TRPC5: variants seen among roughly 807,000 people sequenced by gnomAD.
TRPC5 encodes the protein transient receptor potential cation channel subfamily C member 5, also known as short transient receptor potential channel 5.
TRPC5 carries 9 observed loss-of-function variants against 56.5 expected under a neutral mutation model. The observed-to-expected ratio is 0.16, with a 90% CI of 0.10 to 0.28. TRPC5 has a LOEUF of 0.28. TRPC5 is among the 10% of genes least tolerant of loss of function. The pLI is 1.00. For synonymous variants in TRPC5, 282 were observed against 278.5 expected (o/e 1.01, Z -0.13); for missense variants, 469 against 748.9 (o/e 0.63, Z 4.36).
intron 1 of TRPC5, among the ~76,000 whole-genome samples, chrX:112,030,372 G>A (rs749731117): frequency 6.1e-4 from 68 of 112,315 alleles, no homozygotes; most frequent in African/African-American, 2.0e-3. Flanking sequence ...TAGTAAGTGA[G>A]AGATCTGGAA....
At chrX:111,798,733 T>C (rs1921197074) in intron 7 of TRPC5, among the ~76,000 whole-genome samples, 1 of 111,708 alleles carries the variant, frequency 9.0e-6, no homozygotes, top group South Asian at 3.7e-4. Context: ...TTTTGCAAAA[T>C]ACCTTTATTA....
chrX:111,948,031 T>A (rs996378574), intron 2 of TRPC5, among the ~76,000 whole-genome samples: 1 of 112,710 alleles, frequency 8.9e-6, no homozygotes, highest in African/African-American at 3.2e-5. Context: ...AAGCTATGAA[T>A]TTCCTTTAGA....
chrX:111,855,376 G>A (rs942915410), intron 3 of TRPC5, among the ~76,000 whole-genome samples: 1 of 111,603 alleles, frequency 9.0e-6, no homozygotes, highest in Non-Finnish European at 1.9e-5. Context: ...GCTCCTCCAT[G>A]TTCTTTTCCT....
intron 1 of TRPC5, among the ~76,000 whole-genome samples, chrX:112,001,245 C>T (rs1469541430): frequency 1.8e-5 from 2 of 111,769 alleles, no homozygotes; most frequent in African/African-American, 3.3e-5. Flanking sequence ...AACTCAGACT[C>T]TCAAGCATAA....
chrX:111,885,470 A>T (rs1397786036), intron 3 of TRPC5, among the ~76,000 whole-genome samples: 1 of 110,093 alleles, frequency 9.1e-6, no homozygotes, highest in East Asian at 2.8e-4. Flanking sequence ...TATATTTAGC[A>T]TTGAAAACTC....
At chrX:111,909,746 A>C (rs1364484574) in intron 3 of TRPC5, among the ~76,000 whole-genome samples, 1 of 111,554 alleles carries the variant, frequency 9.0e-6, no homozygotes, top group Non-Finnish European at 1.9e-5. Context: ...TATTGTGTAA[A>C]AACAATGATA....
intron 2 of TRPC5, among the ~76,000 whole-genome samples, chrX:111,928,509 C>T (rs1226268810): frequency 2.7e-5 from 3 of 112,209 alleles, no homozygotes; most frequent in Non-Finnish European, 5.6e-5. Context: ...GATATTACTT[C>T]CAATTTTATT....
chrX:112,071,591 A>C (rs1019449846), intron 1 of TRPC5, among the ~76,000 whole-genome samples: 1 of 112,183 alleles, frequency 8.9e-6, no homozygotes, highest in Non-Finnish European at 1.9e-5. Context: ...AGGCTCTGCC[A>C]TTGTAGTAGG....
chrX:111,776,307 C>T lies in TRPC5; in HGVS notation c.*6G>A. On this transcript the variant is annotated 3_prime_UTR_variant, in exon 11 of 11. Coordinates refer to ENST00000262839, the MANE Select transcript of TRPC5 (RefSeq NM_012471.3). The stretch of plus-strand genomic sequence containing the variant: ...TGAGTTCCAGAACAGATGATTAGGG[C>T]TTGACTTAGAGGCGAGTTGTAACTT... The T allele has an allele frequency of 8.6e-7, 1 of 1,158,921 alleles. No individual in the cohort carries two copies. The highest frequency in any genetic ancestry group is 1.1e-6 in the Non-Finnish European group (1 of 871,087).
At chrX:111,820,779 G>T (rs1023455294) in intron 7 of TRPC5, among the ~76,000 whole-genome samples, 2 of 111,898 alleles carry the variant, frequency 1.8e-5, no homozygotes, top group African/African-American at 6.5e-5. Flanking sequence ...TTATACATTA[G>T]CAATTAATTA....
At chrX:111,838,244 G>A (rs1475538922) in intron 6 of TRPC5, among the ~76,000 whole-genome samples, 1 of 111,588 alleles carries the variant, frequency 9.0e-6, no homozygotes, top group Non-Finnish European at 1.9e-5. Flanking sequence ...CTCCGTTTTG[G>A]TGGTTGGTAG....
rs1388296460 is a variant in TRPC5 at position 112,000,528 on chromosome X, C to T, written c.-21-48087G>A. ...AGTCAAACAGATGTGTGTTTGCGTCCCACTGCTACCACATTTGAGCTAGGA... is the reference window on the plus strand; with the variant it reads ...AGTCAAACAGATGTGTGTTTGCGTCTCACTGCTACCACATTTGAGCTAGGA... On this transcript the variant is annotated intron_variant, in intron 1 of 10. Coordinates refer to ENST00000262839, the MANE Select transcript of TRPC5 (RefSeq NM_012471.3). Among the ~76,000 whole-genome samples the T allele has an allele frequency of 5.4e-5, 6 of 111,537 alleles. No individual in the cohort carries two copies. In the Admixed American group the frequency reaches 5.7e-4, roughly 11 times the overall value.
chrX:111,873,554 G>A (rs780346296), intron 3 of TRPC5, among the ~76,000 whole-genome samples: 2 of 110,953 alleles, frequency 1.8e-5, no homozygotes, highest in East Asian at 2.8e-4. Context: ...AGGCTAACGC[G>A]GGTGGATTAC....
intron 7 of TRPC5, among the ~76,000 whole-genome samples, chrX:111,823,795 G>T (rs1922103967): frequency 9.0e-6 from 1 of 111,141 alleles, no homozygotes; most frequent in African/African-American, 3.3e-5. Context: ...AGTCAACCAG[G>T]GGGAAGCATG....
At chrX:111,986,574 T>A (rs1305905815) in intron 1 of TRPC5, among the ~76,000 whole-genome samples, 1 of 110,537 alleles carries the variant, frequency 9.0e-6, no homozygotes, top group African/African-American at 3.3e-5. Context: ...CGTTACACTT[T>A]TCCCAGGCAA....
chrX:111,852,176 T>G lies in TRPC5; in HGVS notation c.1377+122A>C, dbSNP rs183082937. 2.2e-5 allele frequency: 15 copies of G among 671,877 alleles called. No homozygotes were observed. The East Asian group carries it at 5.0e-4, about 22-fold the overall frequency. The allele number at this position is 671,877 out of a possible 1,213,427, so 55.4% of individuals were successfully genotyped here. A position where few individuals can be genotyped will look rare whatever the true frequency, so the allele number is the denominator to read the frequency against. On this transcript the variant is annotated intron_variant, in intron 5 of 10. Coordinates refer to ENST00000262839, the MANE Select transcript of TRPC5 (RefSeq NM_012471.3). ...AAAGAATGTCTGTTTATATGGTAAT[T>G]TCCCACATGGATTGAGCCATCATCA...
intron 1 of TRPC5, among the ~76,000 whole-genome samples, chrX:112,005,914 C>A (rs1343478197): frequency 3.6e-5 from 4 of 111,583 alleles, no homozygotes; most frequent in East Asian, 2.8e-4. Flanking sequence ...CTCTATGTAT[C>A]CCCCAAGGCC....
intron 7 of TRPC5, among the ~76,000 whole-genome samples, chrX:111,820,182 C>T (rs1032055531): frequency 3.6e-5 from 4 of 111,820 alleles, no homozygotes; most frequent in Non-Finnish European, 7.5e-5. Flanking sequence ...TTAACATAGT[C>T]GACAAACTAT....
chrX:111,846,651 C>G (rs139934502), intron 6 of TRPC5, among the ~76,000 whole-genome samples: 23 of 111,588 alleles, frequency 2.1e-4, no homozygotes, highest in Non-Finnish European at 3.6e-4. Flanking sequence ...GAGATTACAC[C>G]TATGAATGGG....
Sources: allele counts gnomAD v4.1 joint callset (sites outside exome capture counted in the v4.1 genomes callset), GRCh38; gene constraint gnomAD v4.1.1; transcripts MANE v1.5; gene names NCBI Gene and HGNC (gene_info 2026-07-23, HGNC 2026-07-21).